MORC1: variants seen among roughly 807,000 people sequenced by gnomAD.
MORC1 encodes the protein MORC family CW-type zinc finger protein 1.
Under a neutral mutation model 134.9 loss-of-function variants are expected in MORC1, and 59 were observed. The observed-to-expected ratio is 0.44, with a 90% CI of 0.35 to 0.54. The LOEUF is 0.54. Ranked by LOEUF, MORC1 falls within the 20% of genes least tolerant of loss-of-function variation. The probability of loss-of-function intolerance (pLI) is 0.00; values close to 1 mark genes in which losing one functional copy is unlikely to be tolerated. For missense variants in MORC1, 947 were observed against 1,134.5 expected, an observed-to-expected ratio of 0.83 and a Z score of 2.37; for synonymous variants, 395 against 391.7, an observed-to-expected ratio of 1.01 and a Z score of -0.10.
At chr3:109,022,306 T>G (rs578079782) in intron 17 of MORC1, among the ~76,000 whole-genome samples, 1 of 152,206 alleles carries the variant, frequency 6.6e-6, no homozygotes, top group Admixed American at 6.5e-5. Flanking sequence ...AAGTTCTACA[T>G]GGAAAAATGC....
intron 14 of MORC1, among the ~76,000 whole-genome samples, chr3:109,047,685 T>C (rs1274364336): frequency 6.6e-6 from 1 of 152,194 alleles, no homozygotes; most frequent in Non-Finnish European, 1.5e-5. Context: ...GTCTATATCA[T>C]ATTTTAATCT....
At chr3:109,006,931 AC>A in intron 18 of MORC1, 97 bp downstream of exon 18, 2 of 852,348 alleles carry the variant, frequency 2.3e-6, no homozygotes, top group Non-Finnish European at 3.6e-6. Flanking sequence ...CACTATGTGA[AC>A]CTCATAAACC....
Position 109,093,410 on chromosome 3 carries a change from A to G in MORC1, c.689+26T>C, listed in dbSNP as rs780881191. 3 of 1,572,208 alleles carry G rather than the reference A, an allele frequency of 1.9e-6. No individual in the cohort carries two copies. The South Asian group carries it at 3.4e-5, about 18-fold the overall frequency. On this transcript the variant is annotated intron_variant, in intron 8 of 27. Coordinates refer to ENST00000232603, the MANE Select transcript of MORC1 (RefSeq NM_014429.4). The stretch of plus-strand genomic sequence containing the variant: ...ACTCTAGCTCACCACCATTGTTGAA[A>G]AACATTCTGTCAAACACACACATAC...
intron 17 of MORC1, among the ~76,000 whole-genome samples, chr3:109,012,466 A>G (rs1173475505): frequency 2.6e-5 from 4 of 152,300 alleles, no homozygotes; most frequent in African/African-American, 9.6e-5. Context: ...TTTAGTATCT[A>G]TCAAAATACT....
chr3:108,995,828 G>A (rs1948187023), intron 21 of MORC1, among the ~76,000 whole-genome samples: 1 of 152,160 alleles, frequency 6.6e-6, no homozygotes, highest in South Asian at 2.1e-4. Flanking sequence ...GGCTGGAGAT[G>A]CCCATCTAAA....
chr3:109,035,251 G>T, intron 15 of MORC1, 89 bp downstream of exon 15: 2 of 1,223,964 alleles, frequency 1.6e-6, no homozygotes, highest in Non-Finnish European at 1.1e-6. Context: ...TCTTACCTTT[G>T]TCTCCCTCAT....
At chr3:109,083,839 T>C (rs934330365) in intron 8 of MORC1, among the ~76,000 whole-genome samples, 6 of 152,126 alleles carry the variant, frequency 3.9e-5, no homozygotes, top group African/African-American at 1.4e-4. Flanking sequence ...ATCCCAGGGA[T>C]GGAAGGATGC....
At chr3:108,994,699 C>A (rs1176009464) in intron 21 of MORC1, among the ~76,000 whole-genome samples, 1 of 151,810 alleles carries the variant, frequency 6.6e-6, no homozygotes, top group African/African-American at 2.4e-5. Context: ...AAAGTCAGTA[C>A]TTTTATCGCT....
chr3:109,025,332 A>C (rs766732818), intron 17 of MORC1, among the ~76,000 whole-genome samples: 1 of 149,908 alleles, frequency 6.7e-6, no homozygotes, highest in Non-Finnish European at 1.5e-5. Context: ...TCAAGATACA[A>C]GTATCACTTC....
chr3:109,109,991 A>C (rs1951126871), intron 3 of MORC1: 2 of 152,214 alleles, frequency 1.3e-5, no homozygotes, highest in Non-Finnish European at 2.9e-5. Context: ...TGGAGAGGAG[A>C]AGGAGATGAA....
intron 27 of MORC1, among the ~76,000 whole-genome samples, chr3:108,962,361 T>G (rs1027879350): frequency 9.9e-5 from 15 of 152,030 alleles, no homozygotes; most frequent in African/African-American, 3.4e-4. Context: ...TTTTTTGAAG[T>G]GGGAAGGGAC....
At chr3:109,042,065 A>G (rs563639324) in intron 14 of MORC1, among the ~76,000 whole-genome samples, 1 of 152,326 alleles carries the variant, frequency 6.6e-6, no homozygotes, top group South Asian at 2.1e-4. Flanking sequence ...AGACTATTCA[A>G]ATAAACTGCA....
chr3:109,059,861 G>A lies in MORC1; in HGVS notation c.976C>T (p.Gln326Ter), dbSNP rs760942324. Residue 326 changes from glutamine to a stop codon, truncating the protein, a stop_gained, in exon 12 of 28, where the codon CAG becomes TAG. Transcript: ENST00000232603. LOFTEE classifies it high-confidence loss of function. ...GCTTCTACATCTTCCAAAGCTCTCT[G>A]TAATACATCCTGGAGAAATGCATTG... ...TSLSSAKDVL[Q>*]RALEDVEAKQ... 1.2e-6 allele frequency: 2 copies of A among 1,611,912 alleles called. No homozygotes were observed. The highest frequency in any genetic ancestry group is 3.3e-5 in the Admixed American group (2 of 59,766).
At chr3:109,073,868 A>C (rs80158240) in intron 8 of MORC1, among the ~76,000 whole-genome samples, 4,891 of 152,280 alleles carry the variant, frequency 0.032, 248 homozygotes, top group African/African-American at 0.11. Flanking sequence ...ATTTAATATT[A>C]GGGTAGATTA....
At chr3:108,968,867 G>A (rs529155650) in intron 26 of MORC1, among the ~76,000 whole-genome samples, 2 of 152,178 alleles carry the variant, frequency 1.3e-5, no homozygotes, top group South Asian at 2.1e-4. Context: ...TGGCCTGTGC[G>A]ATGAATCTGG....
chr3:109,019,612 T>C (rs1479262630), intron 17 of MORC1, among the ~76,000 whole-genome samples: 1 of 152,222 alleles, frequency 6.6e-6, no homozygotes, highest in African/African-American at 2.4e-5. Flanking sequence ...GCTGAAATCA[T>C]GGTTCTGCAG....
At chr3:109,095,452 G>C (rs947082823) in intron 6 of MORC1, among the ~76,000 whole-genome samples, 1 of 152,192 alleles carries the variant, frequency 6.6e-6, no homozygotes, top group African/African-American at 2.4e-5. Flanking sequence ...TTCCTACACT[G>C]TAATTCTCAG....
intron 8 of MORC1, among the ~76,000 whole-genome samples, chr3:109,079,307 T>C (rs946190258): frequency 6.6e-6 from 1 of 152,018 alleles, no homozygotes; most frequent in Admixed American, 6.6e-5. Flanking sequence ...CAAAGATCAC[T>C]CAACATCATA....
At chr3:109,020,743 C>T (rs887259537) in intron 17 of MORC1, among the ~76,000 whole-genome samples, 7 of 144,706 alleles carry the variant, frequency 4.8e-5, no homozygotes, top group African/African-American at 8.0e-5. Context: ...CCAGCCTGGG[C>T]GACACAGTGA....
Sources: gnomAD v4.1 joint callset for allele counts (sites outside exome capture counted in the v4.1 genomes callset) on GRCh38, gnomAD v4.1.1 for gene constraint, MANE v1.5 for transcripts, NCBI Gene and HGNC (gene_info 2026-07-23, HGNC 2026-07-21) for gene names.